The following ULK4 variants were observed in gnomAD, a reference collection of about 807,000 sequenced individuals.
The protein encoded by ULK4 is unc-51 like kinase 4.
In ULK4, 133 loss-of-function variants were observed where a neutral mutation model predicts 160.6. The observed-to-expected ratio is 0.83, with a 90% CI of 0.72 to 0.96. The LOEUF is 0.96. ULK4 is among the 40% of genes least tolerant of loss of function. ULK4 has a pLI of 0.00. For synonymous variants in ULK4, 534 were observed against 539.8 expected (o/e 0.99, Z 0.15); for missense variants, 1,580 against 1,499.5 (o/e 1.05, Z -0.89).
chr3:41,798,557 C>T lies in ULK4; in HGVS notation c.2010+1575G>A, dbSNP rs779657283. 9.3e-4 allele frequency among the ~76,000 whole-genome samples: 142 copies of T among 152,076 alleles called. 1 individual carries two copies. Among genetic ancestry groups the T allele is most frequent in the African/African-American group, 2.9e-3 (121 of 41,506 alleles). On this transcript the variant is annotated intron_variant, in intron 20 of 36. Coordinates refer to ENST00000301831, the MANE Select transcript of ULK4 (RefSeq NM_017886.4). ...CATAACTGAAAAATTTCCATAAATACCCACAGGATTTAGCAACATGAAAGT... is the reference window on the plus strand; with the variant it reads ...CATAACTGAAAAATTTCCATAAATATCCACAGGATTTAGCAACATGAAAGT...
At position 41,696,140 on chromosome 3, in the gene ULK4, C is replaced by T. The variant is rs567599286; in HGVS notation, c.2781+8917G>A. On this transcript the variant is annotated intron_variant, in intron 27 of 36. Transcript: ENST00000301831. The stretch of plus-strand genomic sequence containing the variant: ...TCCCCGGGGGAGTTTAGAAAAGACT[C>T]TACTCCTCCACCTCTTGTGGAAGGC... Among the ~76,000 whole-genome samples the T allele has an allele frequency of 2.0e-5, 3 of 152,224 alleles. No homozygotes were observed. The South Asian group carries it at 6.2e-4, about 32-fold the overall frequency.
At position 41,789,813 on chromosome 3, in the gene ULK4, T is replaced by C. The variant is rs557672568; in HGVS notation, c.2041A>G (p.Thr681Ala). 14 of 1,612,584 alleles carry C rather than the reference T, an allele frequency of 8.7e-6. No homozygotes were observed. Among genetic ancestry groups the C allele is most frequent in the South Asian group, 7.7e-5 (7 of 90,818 alleles). The change falls in exon 21 of 37, where the codon ACT becomes GCT. Residue 681 changes from threonine (T) to alanine (A), a missense_variant. Thr to Ala is a moderately conservative substitution (Grantham distance 58). Coordinates refer to ENST00000301831, the MANE Select transcript of ULK4 (RefSeq NM_017886.4). ...ALCRITRHSP[T>A]AFQNVIEKVG... ...TTTTCAATAACATTCTGGAAGGCAG[T>C]AGGAGAATGGCGAGTGATTCTACAC... is the stretch of plus-strand genomic sequence containing the variant.
intron 35 of ULK4, among the ~76,000 whole-genome samples, chr3:41,370,622 T>C (rs2081345177): frequency 1.3e-5 from 2 of 152,302 alleles, no homozygotes; most frequent in Admixed American, 1.3e-4. Context: ...ACGGAGCTAT[T>C]CGGCCCAGAT....
chr3:41,681,473 A>G (rs780747556), intron 29 of ULK4, 35 bp downstream of exon 29: 6 of 1,612,096 alleles, frequency 3.7e-6, no homozygotes, highest in Non-Finnish European at 5.1e-6. Flanking sequence ...GATAGCCTAC[A>G]CTTCTCTGCA....
chr3:41,740,107 T>C (rs1031708766), intron 22 of ULK4, among the ~76,000 whole-genome samples: 3 of 151,922 alleles, frequency 2.0e-5, no homozygotes, highest in African/African-American at 7.3e-5. Context: ...TATTTAAACA[T>C]ATTTTCTTCC....
chr3:41,250,851 A>T (rs1021001315), intron 35 of ULK4: 3 of 152,148 alleles, frequency 2.0e-5, no homozygotes, highest in African/African-American at 7.2e-5. Context: ...ACCCAACTTG[A>T]TGTGTTCAAA....
chr3:41,885,142 C>T (rs1485952683), intron 16 of ULK4, among the ~76,000 whole-genome samples: 5 of 152,168 alleles, frequency 3.3e-5, no homozygotes, highest in African/African-American at 1.2e-4. Context: ...GCTTGAGACA[C>T]TGCATCTGTC....
Position 41,860,084 on chromosome 3 carries a change from G to A in ULK4, c.1656+23790C>T, listed in dbSNP as rs188780762. 2.2e-4 allele frequency among the ~76,000 whole-genome samples: 33 copies of A among 152,104 alleles called. No individual in the cohort carries two copies. In the East Asian group the frequency reaches 6.4e-3, roughly 29 times the overall value. On this transcript the variant is annotated intron_variant, in intron 17 of 36. Coordinates refer to ENST00000301831, the MANE Select transcript of ULK4 (RefSeq NM_017886.4). ...TAATTTCTAGTTTTAATCCATAGTG[G>A]TCAGAAAAGAGGCTTGATATTATTT...
chr3:41,856,564 CATAT>C (rs201080840), intron 17 of ULK4, among the ~76,000 whole-genome samples: 1 of 69,034 alleles, frequency 1.4e-5, no homozygotes, highest in Non-Finnish European at 2.6e-5. Flanking sequence ...TATATATACA[CATAT>C]ATATATGTGT....
chr3:41,407,408 C>G (rs1293861670), intron 34 of ULK4, among the ~76,000 whole-genome samples: 1 of 152,060 alleles, frequency 6.6e-6, no homozygotes, highest in Admixed American at 6.5e-5. Flanking sequence ...GTACAAAAAA[C>G]AACAACAATA....
chr3:41,707,984 A>G (rs1000694576), intron 25 of ULK4, among the ~76,000 whole-genome samples: 2 of 152,158 alleles, frequency 1.3e-5, no homozygotes, highest in African/African-American at 4.8e-5. Flanking sequence ...ATCCATAAGA[A>G]TGGCTATTAT....
intron 34 of ULK4, among the ~76,000 whole-genome samples, chr3:41,444,373 CT>C (rs1470792731): frequency 1.1e-4 from 17 of 151,802 alleles, no homozygotes; most frequent in African/African-American, 3.9e-4. Context: ...CTCTCTCTCT[CT>C]CTCTCTCTCT....
At chr3:41,602,120 C>A (rs1417257827) in intron 31 of ULK4, among the ~76,000 whole-genome samples, 3 of 151,574 alleles carry the variant, frequency 2.0e-5, no homozygotes, top group Non-Finnish European at 4.4e-5. Context: ...CACTTGAGCT[C>A]AGGAATTTGG....
At chr3:41,541,944 C>T (rs565509952) in intron 32 of ULK4, among the ~76,000 whole-genome samples, 13 of 152,254 alleles carry the variant, frequency 8.5e-5, no homozygotes, top group Non-Finnish European at 1.3e-4. Flanking sequence ...TCTAAATATA[C>T]TATCATGTCA....
At chr3:41,867,570 T>C (rs1206979833) in intron 17 of ULK4, among the ~76,000 whole-genome samples, 1 of 152,190 alleles carries the variant, frequency 6.6e-6, no homozygotes, top group East Asian at 1.9e-4. Flanking sequence ...GGGTTTCTAC[T>C]AAACCACCCT....
intron 30 of ULK4, among the ~76,000 whole-genome samples, chr3:41,655,248 A>G (rs1470605732): frequency 6.6e-6 from 1 of 151,862 alleles, no homozygotes; most frequent in East Asian, 1.9e-4. Context: ...GAAGCTGGAA[A>G]CCATCATTCT....
intron 34 of ULK4, among the ~76,000 whole-genome samples, chr3:41,432,133 G>A (rs2082928727): frequency 6.6e-6 from 1 of 152,038 alleles, no homozygotes; most frequent in Admixed American, 6.6e-5. Context: ...TGAAAACAAG[G>A]CAACGACGGC....
chr3:41,783,286 C>G (rs1449533790), intron 21 of ULK4, among the ~76,000 whole-genome samples: 1 of 151,996 alleles, frequency 6.6e-6, no homozygotes, highest in Non-Finnish European at 1.5e-5. Flanking sequence ...TCTGTAATCC[C>G]AGCACTTTGG....
chr3:41,856,535 A>ATG (rs1295687495), intron 17 of ULK4, among the ~76,000 whole-genome samples: 1 of 105,652 alleles, frequency 9.5e-6, no homozygotes, highest in African/African-American at 5.0e-5. Flanking sequence ...ATATATATGT[A>ATG]TGTATATATA....
Sources: gnomAD v4.1 joint callset for allele counts (sites outside exome capture counted in the v4.1 genomes callset) on GRCh38, gnomAD v4.1.1 for gene constraint, MANE v1.5 for transcripts, NCBI Gene and HGNC (gene_info 2026-07-23, HGNC 2026-07-21) for gene names.